Variants in CRLF3 observed in about 807,000 individuals in gnomAD.
CRLF3 encodes the protein cytokine receptor-like factor 3.
A neutral mutation model predicts 55.0 loss-of-function variants in CRLF3; 33 were observed. That is an observed-to-expected ratio of 0.60 (90% confidence interval 0.46 to 0.80). The LOEUF (loss-of-function observed/expected upper bound fraction) is 0.80, where lower values mean the gene tolerates loss of function less well. Ranked by LOEUF, CRLF3 falls within the 30% of genes least tolerant of loss-of-function variation. The pLI is 0.00. For missense variants in CRLF3, 494 were observed against 538.4 expected, an observed-to-expected ratio of 0.92 and a Z score of 0.82; for synonymous variants, 238 against 196.8, an observed-to-expected ratio of 1.21 and a Z score of -1.75.
chr17:30,792,578 T>C lies in CRLF3; in HGVS notation c.827-6A>G. The C allele has an allele frequency of 1.9e-6, 3 of 1,590,826 alleles. No individual in the cohort carries two copies. The highest frequency in any genetic ancestry group is 2.6e-6 in the Non-Finnish European group (3 of 1,160,904). Reference sequence around the variant, plus strand: ...CTCAAAACCAGCTGTCCACTCTTTTTCAAAGCAAAGATATTGAAAACTGTT... The same window carrying C: ...CTCAAAACCAGCTGTCCACTCTTTTCCAAAGCAAAGATATTGAAAACTGTT... On this transcript the variant is annotated splice_region_variant and splice_polypyrimidine_tract_variant and intron_variant, in intron 5 of 7. Transcript: ENST00000324238.
chr17:30,786,042 A>G lies in CRLF3; in HGVS notation c.960-11T>C. The G allele has an allele frequency of 7.1e-7, 1 of 1,403,026 alleles. No individual in the cohort carries two copies. The highest frequency in any genetic ancestry group is 1.0e-6 in the Non-Finnish European group (1 of 993,290). The allele number at this position is 1,403,026 out of a possible 1,614,324, so 86.9% of individuals were successfully genotyped here. A position where few individuals can be genotyped will look rare whatever the true frequency, so the allele number is the denominator to read the frequency against. On this transcript the variant is annotated splice_polypyrimidine_tract_variant and intron_variant, in intron 6 of 7. Transcript: ENST00000324238. ...CCCACAGTTTCAACTCTGTAAATGA[A>G]GTAGAAAGGTCATTTCATACTTTTA... is the stretch of plus-strand genomic sequence containing the variant.
Position 30,824,618 on chromosome 17 carries a change from G to A in CRLF3, c.34C>T (p.Leu12=), listed in dbSNP as rs776835751. 6.2e-7 allele frequency: 1 copy of A among 1,605,396 alleles called. No homozygotes were observed. Among genetic ancestry groups the A allele is most frequent in the Non-Finnish European group, 8.5e-7 (1 of 1,179,238 alleles). The change falls in exon 1 of 8, where the codon CTG becomes TTG. Residue 12 remains leucine, a synonymous_variant. Transcript: ENST00000324238. ...ACGTTCTCGCGGGCCTCCTGCAACA[G>A]CAGCTCAGGCTCCAGCTCCATCGCC... The part of the protein sequence containing the change: ...RGAMELEPEL[L]LQEARENVEA...
intron 1 of CRLF3, among the ~76,000 whole-genome samples, chr17:30,810,414 A>C (rs1324044072): frequency 6.6e-6 from 1 of 151,960 alleles, no homozygotes; most frequent in African/African-American, 2.4e-5. Flanking sequence ...AAAAATGCAA[A>C]AATTACCCAA....
intron 1 of CRLF3, chr17:30,809,485 A>G (rs915431487): frequency 6.6e-6 from 1 of 152,224 alleles, no homozygotes; most frequent in African/African-American, 2.4e-5. Flanking sequence ...TGTGGTACCA[A>G]TGGTTCCATG....
At chr17:30,823,533 G>C (rs1003879100) in intron 1 of CRLF3, among the ~76,000 whole-genome samples, 1 of 150,920 alleles carries the variant, frequency 6.6e-6, no homozygotes, top group African/African-American at 2.4e-5. Context: ...GAAGTGCTAA[G>C]ACGACCAACT....
rs1272348742 is a variant in CRLF3 at position 30,784,366 on chromosome 17, T to C, written c.1150A>G (p.Ile384Val). Residue 384 changes from isoleucine to valine, a missense_variant, in exon 8 of 8, where the codon ATT becomes GTT. By Grantham distance (29) the Ile-to-Val change is conservative (BLOSUM62 3). Coordinates refer to ENST00000324238, the MANE Select transcript of CRLF3 (RefSeq NM_015986.4). ...GTGGTTCCTAGAGTCACGGCTTCAA[T>C]GTCAAACGTGACAGTGGACCCAGAA... ...VTSGSTVTFD[I>V]EAVTLGTTSN... is the part of the protein sequence containing the mutation. 6.2e-7 allele frequency: 1 copy of C among 1,614,096 alleles called. No homozygotes were observed. Among genetic ancestry groups the C allele is most frequent in the Non-Finnish European group, 8.5e-7 (1 of 1,179,920 alleles).
Position 30,797,548 on chromosome 17 carries a change from C to G in CRLF3, c.338-150G>C, listed in dbSNP as rs116212492. ...AATTCCCAAAAAGTTAAAGTAGAAA[C>G]TATTTTAGACGTGACTCTAAGATCA... On this transcript the variant is annotated intron_variant, in intron 2 of 7. Transcript: ENST00000324238. The G allele has an allele frequency of 3.2e-3, 2,032 of 642,390 alleles. 21 individuals carry two copies. The African/African-American group carries it at 0.033, about 11-fold the overall frequency. 39.8% of individuals were successfully genotyped at this position (642,390 alleles called of 1,614,324 possible).
intron 4 of CRLF3, among the ~76,000 whole-genome samples, chr17:30,795,156 G>A (rs1409897797): frequency 2.0e-5 from 3 of 151,940 alleles, no homozygotes; most frequent in Non-Finnish European, 4.4e-5. Flanking sequence ...ACAACAGCAT[G>A]TTTATAAAAA....
In CRLF3 at chr17:30,784,430, G is replaced by A. The variant is rs1023275277; in HGVS notation, c.1086C>T (p.Val362=). 4.3e-6 allele frequency: 7 copies of A among 1,611,586 alleles called. No individual in the cohort carries two copies. The highest frequency in any genetic ancestry group is 3.3e-5 in the South Asian group (3 of 90,962). The change falls in exon 8 of 8, where the codon GTC becomes GTT. Residue 362 remains valine, a synonymous_variant. Coordinates refer to ENST00000324238, the MANE Select transcript of CRLF3 (RefSeq NM_015986.4). ...ACTGATTTGTCATTTCTTTTCCATT[G>A]ACAAAAACTGCACCTAAAATGTTAA... ...VCISTNGAVF[V]NGKEMTNQLP...
chr17:30,793,228 A>G (rs1044850450), intron 5 of CRLF3, among the ~76,000 whole-genome samples: 68 of 148,998 alleles, frequency 4.6e-4, no homozygotes, highest in African/African-American at 1.7e-3. Context: ...TTGGTTTTCA[A>G]TGAGGCTAAA....
intron 6 of CRLF3, among the ~76,000 whole-genome samples, chr17:30,791,862 T>C (rs984937156): frequency 6.6e-6 from 1 of 151,534 alleles, no homozygotes; most frequent in African/African-American, 2.4e-5. Flanking sequence ...GTGTGTGTGT[T>C]TGAGACACAG....
intron 1 of CRLF3, among the ~76,000 whole-genome samples, chr17:30,814,656 C>CA (rs748564150): frequency 3.5e-3 from 425 of 121,942 alleles, no homozygotes; most frequent in South Asian, 0.011. Context: ...GACTCCACCT[C>CA]AAAAAAAAAA....
At chr17:30,804,276 A>G (rs928282121) in intron 1 of CRLF3, among the ~76,000 whole-genome samples, 168 bp from the exon 2 acceptor site, 17 of 151,982 alleles carry the variant, frequency 1.1e-4, no homozygotes, top group Non-Finnish European at 1.3e-4. Context: ...ACACATATAC[A>G]TAGTGAACTG....
rs1456647112 is a variant in CRLF3 at position 30,783,107 on chromosome 17, G to C, written c.*1080C>G. The C allele has an allele frequency of 1.3e-5, 2 of 152,124 alleles. No individual in the cohort carries two copies. The highest frequency in any genetic ancestry group is 4.8e-5 in the African/African-American group (2 of 41,414). The allele number at this position is 152,124 out of a possible 1,614,324, so 9.4% of individuals were successfully genotyped here. On this transcript the variant is annotated 3_prime_UTR_variant, in exon 8 of 8. Coordinates refer to ENST00000324238, the MANE Select transcript of CRLF3 (RefSeq NM_015986.4). Reference sequence around the variant, plus strand: ...TAAACTGACATTAAACTGGACTGCAGCTCATTCTCTGCAAAGAGTAAAATG... The same window carrying C: ...TAAACTGACATTAAACTGGACTGCACCTCATTCTCTGCAAAGAGTAAAATG...
At chr17:30,809,980 A>G (rs1214196919) in intron 1 of CRLF3, 1 of 152,162 alleles carries the variant, frequency 6.6e-6, no homozygotes, top group Non-Finnish European at 1.5e-5. Context: ...GAGCTCCCAG[A>G]TAAATCTGTA....
chr17:30,800,928 C>CCATG (rs1194138820), intron 2 of CRLF3: 3 of 152,440 alleles, frequency 2.0e-5, no homozygotes, highest in Non-Finnish European at 4.4e-5. Flanking sequence ...GCGCCTGCCA[C>CCATG]CATGCCTGGC....
chr17:30,785,884 T>C (rs776014785), intron 7 of CRLF3, 35 bp downstream of exon 7: 4 of 1,089,400 alleles, frequency 3.7e-6, no homozygotes, highest in Non-Finnish European at 5.6e-6. Flanking sequence ...ATAATTAATA[T>C]ATTTCCAAGA....
At chr17:30,822,909 G>A (rs1905037436) in intron 1 of CRLF3, among the ~76,000 whole-genome samples, 1 of 151,972 alleles carries the variant, frequency 6.6e-6, no homozygotes, top group Admixed American at 6.6e-5. Flanking sequence ...ATAGCAGAAG[G>A]AATAATGCAG....
rs144033555 is a variant in CRLF3 at position 30,793,084 on chromosome 17, G to A, written c.826+366C>T. On this transcript the variant is annotated intron_variant, in intron 5 of 7. Transcript: ENST00000324238. The stretch of plus-strand genomic sequence containing the variant: ...GGCAGAAGGATCTAGAGGTCAGGCT[G>A]CATGATTGCACCACCACACACCAGC... 5.2e-4 allele frequency among the ~76,000 whole-genome samples: 78 copies of A among 151,200 alleles called. 1 individual carries two copies. Among genetic ancestry groups the A allele is most frequent in the African/African-American group, 1.7e-3 (71 of 41,216 alleles).
Sources: gnomAD v4.1 joint callset for allele counts (sites outside exome capture counted in the v4.1 genomes callset) on GRCh38, gnomAD v4.1.1 for gene constraint, MANE v1.5 for transcripts, NCBI Gene and HGNC (gene_info 2026-07-23, HGNC 2026-07-21) for gene names.